The following DOCK1 variants were observed in gnomAD, a reference collection of about 807,000 sequenced individuals.
DOCK1 encodes dedicator of cytokinesis protein 1.
Under a neutral mutation model 262.7 loss-of-function variants are expected in DOCK1, and 138 were observed. The ratio of observed to expected loss-of-function variants is 0.53; its 90% confidence interval spans 0.46 to 0.61. The LOEUF (loss-of-function observed/expected upper bound fraction) is 0.61, where lower values mean the gene tolerates loss of function less well. Among genes scored for constraint, DOCK1 ranks in the 20% least tolerant of loss-of-function variants. The pLI is 0.00. For missense variants in DOCK1, 1,908 were observed against 2,370.7 expected (o/e 0.80, Z 4.05); for synonymous variants, 866 against 867.4 (o/e 1.00, Z 0.03).
chr10:127,170,959 A>C (rs893319190), intron 27 of DOCK1, among the ~76,000 whole-genome samples: 1 of 152,216 alleles, frequency 6.6e-6, no homozygotes, highest in Middle Eastern at 3.2e-3. Context: ...GTGATTTTGC[A>C]TACTTTTTGC....
chr10:127,003,233 A>G (rs902068575), intron 10 of DOCK1, among the ~76,000 whole-genome samples: 1 of 151,904 alleles, frequency 6.6e-6, no homozygotes, highest in Non-Finnish European at 1.5e-5. Context: ...AACCTTTATG[A>G]ACCTGTGTGA....
At chr10:127,323,535 C>T (rs973103096) in intron 29 of DOCK1, among the ~76,000 whole-genome samples, 1 of 152,204 alleles carries the variant, frequency 6.6e-6, no homozygotes, top group African/African-American at 2.4e-5. Context: ...ACCAGGCACT[C>T]GAGTAGATCT....
chr10:127,353,485 A>G (rs1339572477), intron 31 of DOCK1, among the ~76,000 whole-genome samples: 1 of 151,928 alleles, frequency 6.6e-6, no homozygotes. Flanking sequence ...GCTTTCCCCA[A>G]CCATGGACGG....
At chr10:127,117,827 G>A (rs2049287819) in intron 25 of DOCK1, among the ~76,000 whole-genome samples, 1 of 152,076 alleles carries the variant, frequency 6.6e-6, no homozygotes, top group African/African-American at 2.4e-5. Flanking sequence ...TCTAGCTCCT[G>A]GTAGCTGATT....
At chr10:127,102,050 A>G (rs1242126100) in intron 23 of DOCK1, among the ~76,000 whole-genome samples, 1 of 152,138 alleles carries the variant, frequency 6.6e-6, no homozygotes, top group Non-Finnish European at 1.5e-5. Context: ...GACGGTTGGG[A>G]TCTGGTGGGC....
At chr10:127,406,079 CT>C (rs2067497377) in intron 40 of DOCK1, among the ~76,000 whole-genome samples, 1 of 152,140 alleles carries the variant, frequency 6.6e-6, no homozygotes, top group East Asian at 1.9e-4. Flanking sequence ...GAACATACAT[CT>C]TTAGGAAAGG....
chr10:127,149,419 C>T (rs1033188486), intron 27 of DOCK1, among the ~76,000 whole-genome samples: 16 of 152,186 alleles, frequency 1.1e-4, no homozygotes, highest in Non-Finnish European at 4.4e-5. Flanking sequence ...CCCTAGTCCT[C>T]TATATTTCCA....
chr10:127,132,390 C>A (rs1271694974), intron 27 of DOCK1, among the ~76,000 whole-genome samples: 2 of 152,276 alleles, frequency 1.3e-5, no homozygotes, highest in East Asian at 3.9e-4. Flanking sequence ...TGCCCAGAGA[C>A]AGAAGCGTTG....
At chr10:127,122,138 G>A (rs1331920487) in intron 25 of DOCK1, among the ~76,000 whole-genome samples, 1 of 152,216 alleles carries the variant, frequency 6.6e-6, no homozygotes, top group Non-Finnish European at 1.5e-5. Context: ...CAGGTCACCA[G>A]GGAGGTGCAC....
rs748337082 is a variant in DOCK1 at position 127,127,776 on chromosome 10, G to T, written c.2847+12G>T. The T allele has an allele frequency of 1.4e-5, 23 of 1,605,458 alleles. No homozygotes were observed. The Admixed American group carries it at 3.8e-4, about 27-fold the overall frequency. On this transcript the variant is annotated intron_variant, in intron 27 of 51. Coordinates refer to ENST00000623213, the MANE Select transcript of DOCK1 (RefSeq NM_001290223.2). ...ATTCTGAACTCATTGTAAGTGCTTG[G>T]TGACATATGTTTGGATATTTAACTG... is the stretch of plus-strand genomic sequence containing the variant.
At chr10:127,317,215 C>G (rs115379421) in intron 29 of DOCK1, among the ~76,000 whole-genome samples, 1,780 of 152,244 alleles carry the variant, frequency 0.012, 33 homozygotes, top group African/African-American at 0.041. Context: ...ACCTTGTATT[C>G]TTATTTAAAA....
At chr10:126,953,934 G>A (rs1198565056) in intron 1 of DOCK1, among the ~76,000 whole-genome samples, 5 of 152,226 alleles carry the variant, frequency 3.3e-5, no homozygotes, top group East Asian at 1.9e-4. Flanking sequence ...TAGTTTGCTC[G>A]GTACATTTTT....
chr10:127,238,021 A>G (rs1025524567), intron 27 of DOCK1, among the ~76,000 whole-genome samples: 1 of 152,222 alleles, frequency 6.6e-6, no homozygotes, highest in African/African-American at 2.4e-5. Flanking sequence ...CTTTTCTGAC[A>G]TACCAAAAAG....
intron 23 of DOCK1, among the ~76,000 whole-genome samples, chr10:127,069,830 G>A (rs1007242222): frequency 1.3e-5 from 2 of 152,204 alleles, no homozygotes; most frequent in African/African-American, 2.4e-5. Flanking sequence ...TCCCAGAGTC[G>A]AGGAGGTGAG....
At chr10:127,219,470 T>C (rs891140416) in intron 27 of DOCK1, among the ~76,000 whole-genome samples, 7 of 152,306 alleles carry the variant, frequency 4.6e-5, no homozygotes, top group South Asian at 2.1e-4. Flanking sequence ...TTCTCAAAAA[T>C]TTTTAATTGT....
At chr10:127,365,821 C>T (rs1368103648) in intron 33 of DOCK1, among the ~76,000 whole-genome samples, 3 of 152,092 alleles carry the variant, frequency 2.0e-5, no homozygotes, top group Admixed American at 6.6e-5. Context: ...TGCAGGGGCC[C>T]CAGGTTTGCT....
chr10:126,950,213 T>C (rs1271915507), intron 1 of DOCK1, among the ~76,000 whole-genome samples: 4 of 152,032 alleles, frequency 2.6e-5, no homozygotes, highest in African/African-American at 7.2e-5. Context: ...CTTTTCCTAG[T>C]TGTGTTATTT....
chr10:127,135,438 AT>A (rs941762334), intron 27 of DOCK1: 4 of 152,610 alleles, frequency 2.6e-5, no homozygotes, highest in East Asian at 3.8e-4. Flanking sequence ...AACATCTTTG[AT>A]TTTTTTATTT....
chr10:126,997,395 C>T (rs1477673479), intron 7 of DOCK1, among the ~76,000 whole-genome samples: 1 of 152,098 alleles, frequency 6.6e-6, no homozygotes, highest in Non-Finnish European at 1.5e-5. Context: ...AGGATAGTGG[C>T]TTCTGCTTCT....
Sources: allele counts gnomAD v4.1 joint callset (sites outside exome capture counted in the v4.1 genomes callset), GRCh38; gene constraint gnomAD v4.1.1; transcripts MANE v1.5; gene names NCBI Gene and HGNC (gene_info 2026-07-23, HGNC 2026-07-21).